The following ATF2 variants were observed in gnomAD, a reference collection of about 807,000 sequenced individuals.
ATF2 encodes cyclic AMP-dependent transcription factor ATF-2.
ATF2 carries 24 observed loss-of-function variants against 60.6 expected under a neutral mutation model. The observed-to-expected ratio is 0.40, with a 90% CI of 0.29 to 0.56. ATF2 has a LOEUF of 0.56. ATF2 is among the 20% of genes least tolerant of loss of function. ATF2 has a pLI of 0.54. For missense variants in ATF2, 433 were observed against 607.7 expected (o/e 0.71, Z 3.02); for synonymous variants, 206 against 215.4 (o/e 0.96, Z 0.38).
intron 3 of ATF2, among the ~76,000 whole-genome samples, chr2:175,131,909 C>G (rs1482038335): frequency 2.6e-5 from 4 of 152,066 alleles, no homozygotes; most frequent in Non-Finnish European, 5.9e-5. Context: ...TTAAAAATAA[C>G]AATGAACTCA....
intron 1 of ATF2, chr2:175,167,514 C>T: frequency 2.3e-6 from 1 of 425,534 alleles, no homozygotes; most frequent in Non-Finnish European, 5.0e-6. Context: ...GACCCTGATT[C>T]TATTTTCAGC....
rs1422591165 is a variant in ATF2, at chr2:175,072,850, T to C, written c.*1759A>G. 3.9e-5 allele frequency: 6 copies of C among 152,162 alleles called. No homozygotes were observed. The highest frequency in any genetic ancestry group is 2.6e-4 in the Admixed American group (4 of 15,270). 9.4% of individuals were successfully genotyped at this position (152,162 alleles called of 1,614,324 possible). On this transcript the variant is annotated 3_prime_UTR_variant, in exon 14 of 14. Coordinates refer to ENST00000264110, the MANE Select transcript of ATF2 (RefSeq NM_001880.4). ...AAAAGCAAAACAATAAAATTCCCATTATCTTCATACTTAAAGTCCTGAAAT... is the reference window on the plus strand; with the variant it reads ...AAAAGCAAAACAATAAAATTCCCATCATCTTCATACTTAAAGTCCTGAAAT...
At chr2:175,106,889 C>T (rs891169369) in intron 10 of ATF2, among the ~76,000 whole-genome samples, 2 of 151,970 alleles carry the variant, frequency 1.3e-5, no homozygotes, top group Admixed American at 6.6e-5. Flanking sequence ...TGGCCCGGTG[C>T]GGTGACTCTC....
intron 10 of ATF2, among the ~76,000 whole-genome samples, chr2:175,103,409 C>G (rs1365687543): frequency 6.6e-6 from 1 of 152,086 alleles, no homozygotes; most frequent in Non-Finnish European, 1.5e-5. Flanking sequence ...ACCCCACCCC[C>G]AGAGAACATA....
Position 175,111,652 on chromosome 2 carries a change from G to T in ATF2, c.744C>A (p.Leu248=). ...SNVHVPAAVP[L]VRPVTMVPSV... is the part of the protein sequence containing the mutation. ...TAGGCACCATGGTGACTGGTCGAACGAGCTATGCATGACATAAGGAAAAAT... is the reference window on the plus strand; with the variant it reads ...TAGGCACCATGGTGACTGGTCGAACTAGCTATGCATGACATAAGGAAAAAT... The change falls in exon 10 of 14, where the codon CTC becomes CTA. Residue 248 remains leucine, a splice_region_variant and synonymous_variant. Transcript: ENST00000264110. 1.2e-6 allele frequency: 2 copies of T among 1,613,112 alleles called. No individual in the cohort carries two copies. The highest frequency in any genetic ancestry group is 2.2e-5 in the South Asian group (2 of 91,024).
rs59292662 is a variant in ATF2, at chr2:175,131,017, C to T, written c.33-810G>A. The stretch of plus-strand genomic sequence containing the variant: ...TTGATATATCTCATTTTTAGGAAAC[C>T]CATGCTGGTTCACAGTAGTCACTGC... On this transcript the variant is annotated intron_variant, in intron 3 of 13. Transcript: ENST00000264110. Among the ~76,000 whole-genome samples the T allele has an allele frequency of 1.0e-3, 157 of 152,088 alleles. 1 individual carries two copies. The highest frequency in any genetic ancestry group is 3.6e-3 in the African/African-American group (150 of 41,478).
intron 8 of ATF2, 57 bp downstream of exon 8, chr2:175,114,633 C>A: frequency 1.3e-6 from 2 of 1,563,506 alleles, no homozygotes; most frequent in South Asian, 2.4e-5. Flanking sequence ...TAGGAAAAAT[C>A]ATTACAAAAC....
At chr2:175,119,510 A>G (rs555515196) in intron 5 of ATF2, among the ~76,000 whole-genome samples, 1 of 151,710 alleles carries the variant, frequency 6.6e-6, no homozygotes, top group African/African-American at 2.4e-5. Context: ...ACTATGTACA[A>G]ATATATTTCA....
intron 1 of ATF2, among the ~76,000 whole-genome samples, chr2:175,166,830 T>C (rs1700378039): frequency 1.3e-5 from 2 of 152,214 alleles, no homozygotes; most frequent in African/African-American, 4.8e-5. Context: ...AATGCATGCA[T>C]TGTGACCGTC....
At chr2:175,155,322 T>G (rs1699605396) in intron 1 of ATF2, among the ~76,000 whole-genome samples, 1 of 152,188 alleles carries the variant, frequency 6.6e-6, no homozygotes, top group Non-Finnish European at 1.5e-5. Context: ...TAATTTAAAA[T>G]AAGAGTGCCT....
At chr2:175,086,834 T>C (rs1244695878) in intron 12 of ATF2, among the ~76,000 whole-genome samples, 3 of 152,192 alleles carry the variant, frequency 2.0e-5, no homozygotes, top group Non-Finnish European at 4.4e-5. Flanking sequence ...TCAGATAAGA[T>C]GGCTGCATAA....
rs1696519691 is a variant in ATF2, at chr2:175,115,875, A to G, written c.448-1007T>C. On this transcript the variant is annotated intron_variant, in intron 7 of 13. Transcript: ENST00000264110. Reference sequence around the variant, plus strand: ...GGAAGAGTCAGTTAATTTAGACAGCATAGTAAGAATAGGTGAGCTTCTTTG... The same window carrying G: ...GGAAGAGTCAGTTAATTTAGACAGCGTAGTAAGAATAGGTGAGCTTCTTTG... 2.0e-5 allele frequency among the ~76,000 whole-genome samples: 3 copies of G among 152,188 alleles called. No individual in the cohort carries two copies. The South Asian group carries it at 6.2e-4, about 31-fold the overall frequency.
chr2:175,149,431 G>A (rs1233694545), intron 2 of ATF2, among the ~76,000 whole-genome samples: 1 of 152,220 alleles, frequency 6.6e-6, no homozygotes, highest in African/African-American at 2.4e-5. Flanking sequence ...AACATTTTAA[G>A]TACGTGAACT....
intron 9 of ATF2, among the ~76,000 whole-genome samples, chr2:175,112,859 A>G (rs212340): frequency 0.1 from 15,845 of 152,278 alleles, 966 homozygotes; most frequent in Middle Eastern, 0.18. Flanking sequence ...TGCTGGGATT[A>G]CAGGCATGAG....
At chr2:175,151,013 A>G (rs1215844132) in intron 2 of ATF2, 47 bp downstream of exon 2, 1 of 152,608 alleles carries the variant, frequency 6.6e-6, no homozygotes, top group Admixed American at 6.5e-5. Flanking sequence ...AAAGATAATC[A>G]CAAAATGAAA....
At chr2:175,119,713 T>C (rs1035736540) in intron 5 of ATF2, among the ~76,000 whole-genome samples, 8 of 151,658 alleles carry the variant, frequency 5.3e-5, no homozygotes, top group Non-Finnish European at 1.2e-4. Context: ...ATGTATTAGC[T>C]TAAGTCCATC....
intron 13 of ATF2, among the ~76,000 whole-genome samples, chr2:175,078,310 T>G (rs1451189321): frequency 6.6e-6 from 1 of 152,112 alleles, no homozygotes; most frequent in African/African-American, 2.4e-5. Flanking sequence ...TGTGGTTGAT[T>G]AGTCCCCAAG....
chr2:175,107,899 C>T (rs1025122605), intron 10 of ATF2, among the ~76,000 whole-genome samples: 5 of 152,186 alleles, frequency 3.3e-5, no homozygotes, highest in East Asian at 1.9e-4. Context: ...AGTGCAGTGG[C>T]GTGATCTCGG....
chr2:175,146,241 C>T (rs1398882430), intron 2 of ATF2, among the ~76,000 whole-genome samples: 2 of 152,130 alleles, frequency 1.3e-5, no homozygotes, highest in African/African-American at 4.8e-5. Flanking sequence ...TCATTATAGT[C>T]AAGGAAACAT....
Sources: allele counts gnomAD v4.1 joint callset (sites outside exome capture counted in the v4.1 genomes callset), GRCh38; gene constraint gnomAD v4.1.1; transcripts MANE v1.5; gene names NCBI Gene and HGNC (gene_info 2026-07-23, HGNC 2026-07-21).